Variants in DCAF1 observed in about 807,000 individuals in gnomAD.
DCAF1 encodes the protein DDB1 and CUL4 associated factor 1, also known as DDB1- and CUL4-associated factor 1.
DCAF1 carries 15 observed loss-of-function variants against 128.0 expected under a neutral mutation model. That is an observed-to-expected ratio of 0.12 (90% CI 0.08 to 0.18). The LOEUF (loss-of-function observed/expected upper bound fraction) is 0.18. Among genes scored for constraint, DCAF1 ranks in the 10% least tolerant of loss-of-function variants. DCAF1 has a pLI of 1.00. For missense variants in DCAF1, 988 were observed against 1,649.5 expected (o/e 0.60, Z 6.95); for synonymous variants, 610 against 603.0 (o/e 1.01, Z -0.17).
intron 2 of DCAF1, among the ~76,000 whole-genome samples, chr3:51,495,747 C>A (rs2108580496): frequency 6.6e-6 from 1 of 152,034 alleles, no homozygotes; most frequent in Admixed American, 6.6e-5. Flanking sequence ...ATTTAAAAAT[C>A]AGTAGTAGTA....
intron 3 of DCAF1, among the ~76,000 whole-genome samples, chr3:51,471,405 G>A (rs1024654068): frequency 2.0e-5 from 3 of 151,454 alleles, no homozygotes; most frequent in Non-Finnish European, 4.4e-5. Flanking sequence ...GGATGGTCTC[G>A]ATCTCCTGAC....
chr3:51,469,964 T>C (rs1553647906), intron 4 of DCAF1, among the ~76,000 whole-genome samples: 1 of 152,112 alleles, frequency 6.6e-6, no homozygotes, highest in African/African-American at 2.4e-5. Context: ...GTGGTTGCAG[T>C]GAGCCAAGAT....
At chr3:51,459,991 G>A (rs1477726548) in intron 6 of DCAF1, among the ~76,000 whole-genome samples, 3 of 152,020 alleles carry the variant, frequency 2.0e-5, no homozygotes, top group African/African-American at 4.8e-5. Flanking sequence ...CTTTGAAAAC[G>A]GGCACAAGAC....
intron 24 of DCAF1, among the ~76,000 whole-genome samples, chr3:51,402,880 A>G (rs1466761159): frequency 6.6e-6 from 1 of 152,128 alleles, no homozygotes; most frequent in African/African-American, 2.4e-5. Context: ...GCTGCATAAA[A>G]TATTTACTGT....
intron 5 of DCAF1, 149 bp downstream of exon 5, chr3:51,466,654 G>A: frequency 3.1e-6 from 2 of 644,630 alleles, no homozygotes; most frequent in Non-Finnish European, 5.4e-6. Context: ...CAAAGAGAAA[G>A]CATTATGGCC....
chr3:51,488,766 G>A (rs1707273036), intron 2 of DCAF1, among the ~76,000 whole-genome samples: 1 of 151,846 alleles, frequency 6.6e-6, no homozygotes, highest in Non-Finnish European at 1.5e-5. Context: ...TCGCGCCACT[G>A]CACTCCAGCC....
In DCAF1 at chr3:51,483,809, T is replaced by C. The variant is rs370120608; in HGVS notation, c.20A>G (p.His7Arg). The change falls in exon 3 of 25, where the codon CAT (histidine) becomes CGT (arginine). Residue 7 changes from histidine (H) to arginine (R), a missense_variant. Physicochemically the swap from His to Arg is conservative, Grantham distance 29 (BLOSUM62 0). This residue lies in a region of DCAF1 where 48 missense variants were observed against 52.6 expected (regional missense o/e 0.91). Coordinates refer to ENST00000684031, the MANE Select transcript of DCAF1 (RefSeq NM_001387579.1). Reference sequence around the variant, plus strand: ...AGTGAGCTCAGCTTTGGAGTCCACATGTACCACTACTGTAGTCATGGCTTT... The same window carrying C: ...AGTGAGCTCAGCTTTGGAGTCCACACGTACCACTACTGTAGTCATGGCTTT... MTTVVV[H>R]VDSKAELTTL... is the part of the protein sequence containing the mutation. 5 of 1,613,708 alleles carry C rather than the reference T, an allele frequency of 3.1e-6. No homozygotes were observed. The highest frequency in any genetic ancestry group is 2.2e-5 in the East Asian group (1 of 44,890).
At chr3:51,404,878 T>G (rs148241503) in intron 23 of DCAF1, among the ~76,000 whole-genome samples, 1 of 152,294 alleles carries the variant, frequency 6.6e-6, no homozygotes, top group Admixed American at 6.5e-5. Context: ...AAAGGAACTA[T>G]GAGTGTCTGG....
chr3:51,416,761 G>C (rs1698918416), intron 18 of DCAF1, 26 bp downstream of exon 18: 1 of 1,595,188 alleles, frequency 6.3e-7, no homozygotes, highest in African/African-American at 1.3e-5. Flanking sequence ...TGATCAGCTT[G>C]AAAACAGTGG....
chr3:51,444,491 C>T (rs935743958), intron 6 of DCAF1, among the ~76,000 whole-genome samples: 2 of 152,082 alleles, frequency 1.3e-5, no homozygotes, highest in African/African-American at 4.8e-5. Context: ...CCTTGGACTA[C>T]AGGCATGTGC....
Position 51,443,837 on chromosome 3 carries a change from T to C in DCAF1, c.442A>G (p.Thr148Ala). The change falls in exon 7 of 25, where the codon ACT becomes GCT. Residue 148 changes from threonine to alanine, a missense_variant. Physicochemically the swap from Thr to Ala is moderately conservative, Grantham distance 58. Transcript: ENST00000684031. ...TCCATAGCACCTCCTAACAGTCCAG[T>C]AGAATATGTCCTCAATGGTTGATCG... ...EADQPLRTYS[T>A]GLLGGAMENQ... is the part of the protein sequence containing the mutation. 6.2e-7 allele frequency: 1 copy of C among 1,612,760 alleles called. No individual in the cohort carries two copies. Among genetic ancestry groups the C allele is most frequent in the Non-Finnish European group, 8.5e-7 (1 of 1,179,656 alleles).
chr3:51,454,443 C>G (rs1234392205), intron 6 of DCAF1, among the ~76,000 whole-genome samples: 1 of 152,178 alleles, frequency 6.6e-6, no homozygotes, highest in African/African-American at 2.4e-5. Context: ...CTCACTGCAA[C>G]TTCCACCTCC....
chr3:51,412,332 C>T (rs765749287), intron 23 of DCAF1, 47 bp downstream of exon 23: 19 of 1,611,304 alleles, frequency 1.2e-5, no homozygotes, highest in Non-Finnish European at 1.4e-5. Flanking sequence ...AGAGCATAAC[C>T]TCTATTAAGC....
upstream of DCAF1, among the ~76,000 whole-genome samples, chr3:51,504,852 A>G (rs548714609): frequency 6.6e-6 from 1 of 152,158 alleles, no homozygotes; most frequent in South Asian, 2.1e-4. Context: ...GGTGGCTCAC[A>G]CCTGTAATTC....
intron 3 of DCAF1, among the ~76,000 whole-genome samples, chr3:51,482,813 G>C (rs1447153505): frequency 6.7e-6 from 1 of 148,458 alleles, no homozygotes; most frequent in African/African-American, 2.5e-5. Flanking sequence ...GTTGGGAAAT[G>C]AGTCTAATTT....
chr3:51,417,713 CTG>C lies in DCAF1; in HGVS notation c.3518+401_3518+402del, dbSNP rs1205297215. On this transcript the variant is annotated intron_variant, in intron 17 of 24. Transcript: ENST00000684031. ...CCAGCCTGGGCGACAGAACGAGACT[CTG>C]TCTCACAAAAAATAAAAAAAAGAAA... Among the ~76,000 whole-genome samples, 4 of 144,540 alleles carry C rather than the reference CTG, an allele frequency of 2.8e-5. No individual in the cohort carries two copies. The Admixed American group carries it at 2.9e-4, about 10-fold the overall frequency. The allele number at this position is 144,540 out of a possible 152,430, so 94.8% of individuals were successfully genotyped here. A position where few individuals can be genotyped will look rare whatever the true frequency, so the allele number is the denominator to read the frequency against.
chr3:51,462,573 C>T (rs782354254), intron 6 of DCAF1, among the ~76,000 whole-genome samples: 4 of 151,808 alleles, frequency 2.6e-5, no homozygotes, highest in Admixed American at 1.3e-4. Context: ...TGGTGAAATC[C>T]CATCTCTACT....
intron 6 of DCAF1, among the ~76,000 whole-genome samples, chr3:51,457,457 A>G (rs1425480195): frequency 6.6e-6 from 1 of 152,116 alleles, no homozygotes; most frequent in Non-Finnish European, 1.5e-5. Flanking sequence ...TGAAAGTGAC[A>G]GGGAGAATGG....
At chr3:51,477,481 A>G (rs1705613826) in intron 3 of DCAF1, among the ~76,000 whole-genome samples, 1 of 151,942 alleles carries the variant, frequency 6.6e-6, no homozygotes, top group South Asian at 2.1e-4. Context: ...AAAAAATACA[A>G]AAATTAGTGG....
Sources: allele counts gnomAD v4.1 joint callset (sites outside exome capture counted in the v4.1 genomes callset), GRCh38; gene constraint gnomAD v4.1.1; regional missense constraint gnomAD v4.1.1; transcripts MANE v1.5; gene names NCBI Gene and HGNC (gene_info 2026-07-23, HGNC 2026-07-21).